The following FAM185A variants were observed in gnomAD, a reference collection of about 807,000 sequenced individuals.
The protein encoded by FAM185A is family with sequence similarity 185 member A.
Under a neutral mutation model 45.7 loss-of-function variants are expected in FAM185A, and 21 were observed. That is an observed-to-expected ratio of 0.46 (90% CI 0.33 to 0.66). FAM185A has a LOEUF of 0.66. Among genes scored for constraint, FAM185A ranks in the 30% least tolerant of loss-of-function variants. The pLI is 0.03. For missense variants in FAM185A, 305 were observed against 485.4 expected (o/e 0.63, Z 3.49); for synonymous variants, 117 against 194.0 (o/e 0.60, Z 3.30).
At chr7:102,782,852 T>G (rs1288852784) in intron 6 of FAM185A, among the ~76,000 whole-genome samples, 6 of 151,960 alleles carry the variant, frequency 3.9e-5, no homozygotes, top group Non-Finnish European at 8.8e-5. Context: ...AGACACAGAC[T>G]GGCAAATTGG....
the FAM185A span, among the ~76,000 whole-genome samples, chr7:102,828,676 A>C: frequency 6.6e-6 from 1 of 152,338 alleles, no homozygotes; most frequent in South Asian, 2.1e-4. Context: ...GTTTACTCTC[A>C]TCTCCCAGTG....
At position 102,755,715 on chromosome 7, in the gene FAM185A, C is replaced by T. The variant is rs576304556; in HGVS notation, c.562-2139C>T. 1.4e-5 allele frequency: 8 copies of T among 563,050 alleles called. No homozygotes were observed. The East Asian group carries it at 2.7e-4, about 19-fold the overall frequency. 34.9% of individuals were successfully genotyped at this position (563,050 alleles called of 1,614,324 possible). A position where few individuals can be genotyped will look rare whatever the true frequency, so the allele number is the denominator to read the frequency against. On this transcript the variant is annotated intron_variant, in intron 2 of 7. Coordinates refer to ENST00000413034, the MANE Select transcript of FAM185A (RefSeq NM_001145268.2). ...CAAGGGGAAGGCAAGACTGGGATGT[C>T]TAGTTCACAGGAAGACCTACACCAC...
At chr7:102,784,737 G>A (rs887081165) in intron 6 of FAM185A, among the ~76,000 whole-genome samples, 2 of 152,144 alleles carry the variant, frequency 1.3e-5, no homozygotes, top group African/African-American at 4.8e-5. Context: ...TACTGAATGG[G>A]CAAAAACTGG....
chr7:102,850,646 A>G, the FAM185A span, among the ~76,000 whole-genome samples: 1 of 152,176 alleles, frequency 6.6e-6, no homozygotes, highest in South Asian at 2.1e-4. Context: ...GAATCTTTCA[A>G]CTTTTTGTCT....
intron 7 of FAM185A, among the ~76,000 whole-genome samples, chr7:102,806,006 C>A (rs907872667): frequency 1.3e-5 from 2 of 152,140 alleles, no homozygotes; most frequent in African/African-American, 4.8e-5. Flanking sequence ...AGTCCATGTG[C>A]CAGCAGATCT....
chr7:102,845,622 A>G, the FAM185A span, among the ~76,000 whole-genome samples: 7 of 152,050 alleles, frequency 4.6e-5, no homozygotes, highest in Non-Finnish European at 8.8e-5. Flanking sequence ...ACTATCAACA[A>G]TTTCATGGAT....
intron 3 of FAM185A, 25 bp downstream of exon 3, chr7:102,757,971 T>C (rs112922484): frequency 0.034 from 51,984 of 1,544,046 alleles, 1,003 homozygotes; most frequent in Non-Finnish European, 0.038. Context: ...TTCTTTTTTT[T>C]TTTAGTAATT....
chr7:102,792,760 T>C (rs1796210312), intron 7 of FAM185A, among the ~76,000 whole-genome samples: 2 of 148,052 alleles, frequency 1.4e-5, no homozygotes, highest in Non-Finnish European at 3.0e-5. Flanking sequence ...CATAAATTCA[T>C]TTGGGATAAA....
intron 7 of FAM185A, among the ~76,000 whole-genome samples, chr7:102,793,909 G>A (rs575145695): frequency 6.6e-6 from 1 of 151,648 alleles, no homozygotes; most frequent in South Asian, 2.1e-4. Context: ...CGTGGTGGCG[G>A]GTGCCTGAAA....
chr7:102,752,295 T>A lies in FAM185A; in HGVS notation c.561+494T>A, dbSNP rs113321671. Among the ~76,000 whole-genome samples, 72 of 144,072 alleles carry A rather than the reference T, an allele frequency of 5.0e-4. 1 individual carries two copies. The highest frequency in any genetic ancestry group is 1.8e-4 in the Non-Finnish European group (12 of 66,000). 94.5% of individuals were successfully genotyped at this position (144,072 alleles called of 152,430 possible). Reference sequence around the variant, plus strand: ...AAAATTTTTTTTTTTTTTTTTGAGATGGAGTCTTACTCTGTCACCAGGCTG... The same window carrying A: ...AAAATTTTTTTTTTTTTTTTTGAGAAGGAGTCTTACTCTGTCACCAGGCTG... On this transcript the variant is annotated intron_variant, in intron 2 of 7. Coordinates refer to ENST00000413034, the MANE Select transcript of FAM185A (RefSeq NM_001145268.2).
chr7:102,803,673 C>G (rs1023689861), intron 7 of FAM185A, among the ~76,000 whole-genome samples: 3 of 147,538 alleles, frequency 2.0e-5, no homozygotes, highest in African/African-American at 5.2e-5. Context: ...TACTGAAAGT[C>G]CTAGCCAGAG....
the FAM185A span, chr7:102,822,158 G>C: frequency 6.2e-7 from 1 of 1,614,144 alleles, no homozygotes; most frequent in Non-Finnish European, 8.5e-7. Flanking sequence ...AAAATGTGCA[G>C]GTAATGGCAT....
intron 7 of FAM185A, among the ~76,000 whole-genome samples, chr7:102,789,407 C>A (rs542645012): frequency 6.6e-6 from 1 of 152,224 alleles, no homozygotes; most frequent in South Asian, 2.1e-4. Context: ...TATAAACTTA[C>A]ATTTTAAAAA....
At chr7:102,792,278 G>A (rs1320034600) in intron 7 of FAM185A, among the ~76,000 whole-genome samples, 1 of 149,668 alleles carries the variant, frequency 6.7e-6, no homozygotes, top group Non-Finnish European at 1.5e-5. Context: ...CACGTATTAT[G>A]TGCTATTCTG....
intron 7 of FAM185A, among the ~76,000 whole-genome samples, chr7:102,800,071 C>T (rs1248430889): frequency 6.6e-6 from 1 of 152,206 alleles, no homozygotes; most frequent in Non-Finnish European, 1.5e-5. Context: ...CGGTTCACAT[C>T]ACAGGAATCT....
intron 7 of FAM185A, among the ~76,000 whole-genome samples, chr7:102,807,282 G>A (rs1797175125): frequency 6.6e-6 from 1 of 152,066 alleles, no homozygotes; most frequent in African/African-American, 2.4e-5. Context: ...TGACTATCTT[G>A]ATTAAGGAAA....
the FAM185A span, among the ~76,000 whole-genome samples, chr7:102,824,555 G>A: frequency 2.0e-4 from 30 of 150,940 alleles, no homozygotes; most frequent in African/African-American, 6.6e-4. Flanking sequence ...GCACAATCTC[G>A]GCTCACTGCA....
chr7:102,837,398 A>G, the FAM185A span, among the ~76,000 whole-genome samples: 1 of 152,248 alleles, frequency 6.6e-6, no homozygotes, highest in Non-Finnish European at 1.5e-5. Flanking sequence ...GCCAAGGACC[A>G]AAACAAATAT....
At chr7:102,752,144 G>A (rs951174941) in intron 2 of FAM185A, among the ~76,000 whole-genome samples, 1 of 152,004 alleles carries the variant, frequency 6.6e-6, no homozygotes, top group African/African-American at 2.4e-5. Context: ...GAATCTTTAT[G>A]CACTATAAAT....
Sources: gnomAD v4.1 joint callset for allele counts (sites outside exome capture counted in the v4.1 genomes callset) on GRCh38, gnomAD v4.1.1 for gene constraint, MANE v1.5 for transcripts, NCBI Gene and HGNC (gene_info 2026-07-23, HGNC 2026-07-21) for gene names.